Variants in ADARB2 observed in about 807,000 individuals in gnomAD.
ADARB2 encodes the protein inactive double-stranded RNA-specific editase B2.
A neutral mutation model predicts 62.2 loss-of-function variants in ADARB2; 25 were observed. The observed-to-expected ratio is 0.40, with a 90% CI of 0.29 to 0.56. The LOEUF (loss-of-function observed/expected upper bound fraction) is 0.56. Ranked by LOEUF, ADARB2 falls within the 20% of genes least tolerant of loss-of-function variation. The pLI is 0.43. For missense variants in ADARB2, 1,071 were observed against 1,077.4 expected (o/e 0.99, Z 0.08); for synonymous variants, 572 against 500.8 (o/e 1.14, Z -1.90).
intron 1 of ADARB2, among the ~76,000 whole-genome samples, chr10:1,549,610 G>A (rs995758031): frequency 2.0e-5 from 3 of 151,936 alleles, no homozygotes; most frequent in Admixed American, 6.6e-5. Context: ...AGAGGCGAAC[G>A]CAATGCAGAG....
chr10:1,416,546 C>T (rs1162076340), intron 1 of ADARB2, among the ~76,000 whole-genome samples: 6 of 152,192 alleles, frequency 3.9e-5, no homozygotes, highest in Admixed American at 1.3e-4. Flanking sequence ...GTGGATGGGC[C>T]GTGGGGAGAG....
intron 1 of ADARB2, among the ~76,000 whole-genome samples, chr10:1,472,134 C>A (rs181859714): frequency 6.6e-6 from 1 of 152,184 alleles, no homozygotes; most frequent in African/African-American, 2.4e-5. Flanking sequence ...GGCACCCACA[C>A]GAGAAGGGCT....
chr10:1,473,919 C>G (rs534103974), intron 1 of ADARB2, among the ~76,000 whole-genome samples: 4 of 4,692 alleles, frequency 8.5e-4, no homozygotes, highest in East Asian at 0.011. Context: ...GAAGCGTGGC[C>G]GATTACGGAG....
At chr10:1,356,784 C>T (rs565001398) in intron 3 of ADARB2, among the ~76,000 whole-genome samples, 2 of 152,356 alleles carry the variant, frequency 1.3e-5, no homozygotes, top group East Asian at 3.9e-4. Flanking sequence ...ATCACCACTT[C>T]TAAGACACGA....
intron 1 of ADARB2, among the ~76,000 whole-genome samples, chr10:1,687,774 G>C (rs1834614987): frequency 6.6e-6 from 1 of 152,120 alleles, no homozygotes; most frequent in Admixed American, 6.6e-5. Flanking sequence ...GGGCAGGAGG[G>C]GGCTCAGGTG....
chr10:1,525,809 G>A (rs955969066), intron 1 of ADARB2, among the ~76,000 whole-genome samples: 1 of 152,100 alleles, frequency 6.6e-6, no homozygotes, highest in Non-Finnish European at 1.5e-5. Flanking sequence ...GCGTATGTGA[G>A]CATGTACGTG....
intron 1 of ADARB2, among the ~76,000 whole-genome samples, chr10:1,562,770 C>T (rs550710208): frequency 6.6e-6 from 1 of 152,330 alleles, no homozygotes; most frequent in African/African-American, 2.4e-5. Flanking sequence ...TCACGTTCTT[C>T]AGTAGGACAG....
At chr10:1,286,054 T>TTC in intron 3 of ADARB2, among the ~76,000 whole-genome samples, 1 of 149,016 alleles carries the variant, frequency 6.7e-6, no homozygotes, top group South Asian at 2.1e-4. Flanking sequence ...CTTTGAACTT[T>TTC]GTTTCACAGC....
At chr10:1,267,404 A>G (rs1258603395) in intron 4 of ADARB2, among the ~76,000 whole-genome samples, 2 of 152,180 alleles carry the variant, frequency 1.3e-5, no homozygotes, top group African/African-American at 2.4e-5. Flanking sequence ...GAAGCTCTCT[A>G]TGAGGGGAGA....
intron 6 of ADARB2, among the ~76,000 whole-genome samples, chr10:1,228,721 C>A (rs1830770484): frequency 6.6e-6 from 1 of 152,200 alleles, no homozygotes; most frequent in Admixed American, 6.5e-5. Flanking sequence ...AAGCAGCTTT[C>A]CCCTCGGTCG....
intron 1 of ADARB2, among the ~76,000 whole-genome samples, chr10:1,457,308 G>C (rs1831106622): frequency 6.6e-6 from 1 of 152,148 alleles, no homozygotes; most frequent in South Asian, 2.1e-4. Flanking sequence ...AGACACACCA[G>C]TGTCCACCTC....
intron 1 of ADARB2, among the ~76,000 whole-genome samples, chr10:1,476,584 G>A (rs1831403971): frequency 6.6e-6 from 1 of 152,180 alleles, no homozygotes; most frequent in Non-Finnish European, 1.5e-5. Context: ...ACAGGACGGG[G>A]GAGCTGAGGT....
At position 1,361,726 on chromosome 10, in the gene ADARB2, G is replaced by A. The variant is rs528207239; in HGVS notation, c.1077+1302C>T. ...TCTCCCTGAGCAGTGTCTGAGGTTC[G>A]AGTGGGACCCTACATTCGTGAAGAG... On this transcript the variant is annotated intron_variant, in intron 3 of 9. Coordinates refer to ENST00000381312, the MANE Select transcript of ADARB2 (RefSeq NM_018702.4). 7 of 152,350 alleles carry A rather than the reference G, an allele frequency of 4.6e-5. No homozygotes were observed. The South Asian group carries it at 1.5e-3, about 32-fold the overall frequency. 9.4% of individuals were successfully genotyped at this position (152,350 alleles called of 1,614,324 possible). A position where few individuals can be genotyped will look rare whatever the true frequency, so the allele number is the denominator to read the frequency against.
At chr10:1,646,776 T>C (rs150532941) in intron 1 of ADARB2, among the ~76,000 whole-genome samples, 249 of 152,358 alleles carry the variant, frequency 1.6e-3, no homozygotes, top group Middle Eastern at 6.8e-3. Context: ...TGATGTGCTA[T>C]TTGAGGTGCT....
chr10:1,381,522 C>G (rs1367109761), intron 1 of ADARB2, among the ~76,000 whole-genome samples: 1 of 152,224 alleles, frequency 6.6e-6, no homozygotes, highest in Non-Finnish European at 1.5e-5. Flanking sequence ...AATGGAAACT[C>G]AAGGAGAGAT....
rs778321753 is a variant in ADARB2 at position 1,233,693 on chromosome 10, C to T, written c.1513+1G>A. 4 of 1,610,960 alleles carry T rather than the reference C, an allele frequency of 2.5e-6. No individual in the cohort carries two copies. Among genetic ancestry groups the T allele is most frequent in the African/African-American group, 1.3e-5 (1 of 74,764 alleles). On this transcript the variant is annotated splice_donor_variant, in intron 6 of 9. Coordinates refer to ENST00000381312, the MANE Select transcript of ADARB2 (RefSeq NM_018702.4). LOFTEE classifies it high-confidence loss of function. ...CAGAAGGTAAAAGCATGGTCTCTTACGGTCTGTGGTGATCTCGTAGGGAGA... is the reference window on the plus strand; with the variant it reads ...CAGAAGGTAAAAGCATGGTCTCTTATGGTCTGTGGTGATCTCGTAGGGAGA...
intron 1 of ADARB2, among the ~76,000 whole-genome samples, chr10:1,418,146 C>A (rs181634578): frequency 6.6e-6 from 1 of 152,160 alleles, no homozygotes; most frequent in South Asian, 2.1e-4. Context: ...CAAAGGGAGT[C>A]GCCCATCTAG....
At chr10:1,536,072 C>T (rs1832328540) in intron 1 of ADARB2, among the ~76,000 whole-genome samples, 1 of 152,130 alleles carries the variant, frequency 6.6e-6, no homozygotes, top group Non-Finnish European at 1.5e-5. Flanking sequence ...TGGGCAGCAG[C>T]AGGAGAGTGC....
intron 1 of ADARB2, among the ~76,000 whole-genome samples, chr10:1,638,397 A>T (rs1038842689): frequency 6.6e-6 from 1 of 152,258 alleles, no homozygotes; most frequent in African/African-American, 2.4e-5. Flanking sequence ...TAATACAGAA[A>T]TGGCATTTAT....
Sources: gnomAD v4.1 joint callset for allele counts (sites outside exome capture counted in the v4.1 genomes callset) on GRCh38, gnomAD v4.1.1 for gene constraint, MANE v1.5 for transcripts, NCBI Gene and HGNC (gene_info 2026-07-23, HGNC 2026-07-21) for gene names.